FAM228B: variants seen among roughly 807,000 people sequenced by gnomAD.
The protein encoded by FAM228B is family with sequence similarity 228 member B.
A neutral mutation model predicts 42.6 loss-of-function variants in FAM228B; 38 were observed. The observed-to-expected ratio is 0.89, with a 90% confidence interval of 0.69 to 1.17. The LOEUF is 1.17. FAM228B is among the 50% of genes most tolerant of loss of function. The probability of loss-of-function intolerance (pLI) is 0.00; values close to 1 mark genes in which losing one functional copy is unlikely to be tolerated. For synonymous variants in FAM228B, 109 were observed against 122.3 expected (o/e 0.89, Z 0.72); for missense variants, 344 against 367.3 (o/e 0.94, Z 0.52).
intron 3 of FAM228B, among the ~76,000 whole-genome samples, chr2:24,111,061 G>T (rs1019367935): frequency 6.6e-6 from 1 of 151,992 alleles, no homozygotes. Context: ...GAGCTTCCTG[G>T]CTGATCTTTT....
At chr2:24,111,599 G>A (rs978704474) in intron 3 of FAM228B, among the ~76,000 whole-genome samples, 2 of 152,066 alleles carry the variant, frequency 1.3e-5, no homozygotes, top group African/African-American at 4.8e-5. Flanking sequence ...ATGCTTCCTG[G>A]CTTGTCGTGC....
Position 24,168,879 on chromosome 2 carries a change from T to C in FAM228B, c.*15-477T>C, listed in dbSNP as rs531868293. The stretch of plus-strand genomic sequence containing the variant: ...GTACATGGATATAGGTCAAACTAGC[T>C]CAGTGGATTTTGCAAAGGAAGATTG... On this transcript the variant is annotated intron_variant, in intron 10 of 10. Coordinates refer to ENST00000615575, the MANE Select transcript of FAM228B (RefSeq NM_001145710.2). 1.3e-5 allele frequency among the ~76,000 whole-genome samples: 2 copies of C among 152,264 alleles called. 1 individual carries two copies. Among genetic ancestry groups the C allele is most frequent in the South Asian group, 4.2e-4 (2 of 4,816 alleles).
chr2:24,159,058 T>C (rs902380718), intron 7 of FAM228B, among the ~76,000 whole-genome samples: 1 of 152,208 alleles, frequency 6.6e-6, no homozygotes, highest in Non-Finnish European at 1.5e-5. Context: ...CATCTTCACA[T>C]GGTCTTCTCT....
chr2:24,081,130 C>T, intron 2 of FAM228B: 1 of 654,058 alleles, frequency 1.5e-6, no homozygotes, highest in Non-Finnish European at 2.1e-6. Flanking sequence ...GCACCAAATG[C>T]CAAATCAATC....
At chr2:24,096,723 C>T (rs1320217879) in intron 3 of FAM228B, 2 of 152,110 alleles carry the variant, frequency 1.3e-5, no homozygotes, top group African/African-American at 2.4e-5. Context: ...GGATATTATC[C>T]AGGAGAACTT....
At chr2:24,094,482 C>T (rs1665455546) in intron 2 of FAM228B, among the ~76,000 whole-genome samples, 2 of 152,098 alleles carry the variant, frequency 1.3e-5, no homozygotes, top group African/African-American at 4.8e-5. Context: ...ACTCTTAAAA[C>T]AGGCTTTTTC....
intron 2 of FAM228B, among the ~76,000 whole-genome samples, chr2:24,128,060 T>C (rs944163311): frequency 1.3e-5 from 2 of 152,194 alleles, no homozygotes; most frequent in Non-Finnish European, 2.9e-5. Flanking sequence ...TCACTGATAT[T>C]CTGGTAATTT....
Position 24,084,191 on chromosome 2 carries a change from G to A in FAM228B, c.-210+3236G>A. On this transcript the variant is annotated intron_variant, in intron 2 of 10. Coordinates refer to the FAM228B transcript ENST00000613899. This position sits in a 1 kb window ranked among gnomAD's most constrained non-coding sequence, Gnocchi z 8.4. ...CGGCGCGGCTGAGCCCTGGGTACCT[G>A]CATTAAGTCCGCCCGGTTCAGGGCG... The A allele has an allele frequency of 6.2e-7, 1 of 1,611,738 alleles. No homozygotes were observed. Among genetic ancestry groups the A allele is most frequent in the Non-Finnish European group, 8.5e-7 (1 of 1,179,364 alleles).
At chr2:24,081,711 C>T (rs1394626091) in intron 2 of FAM228B, among the ~76,000 whole-genome samples, 18 of 143,830 alleles carry the variant, frequency 1.3e-4, no homozygotes, top group Admixed American at 4.9e-4. Context: ...TTTTTTGAGA[C>T]GGAGTCTCAC....
At chr2:24,087,957 G>T (rs34357414) in intron 2 of FAM228B, among the ~76,000 whole-genome samples, 2 of 151,836 alleles carry the variant, frequency 1.3e-5, no homozygotes, top group Non-Finnish European at 2.9e-5. Flanking sequence ...AGTCCAGGCT[G>T]GTCGCAAACT....
At chr2:24,102,105 C>A (rs1224756053) in intron 3 of FAM228B, among the ~76,000 whole-genome samples, 2 of 152,112 alleles carry the variant, frequency 1.3e-5, no homozygotes, top group Non-Finnish European at 2.9e-5. Context: ...ATAATAAAAA[C>A]CATATAATGA....
chr2:24,123,702 C>T (rs1248859084), intron 1 of FAM228B, among the ~76,000 whole-genome samples, 169 bp downstream of exon 1: 2 of 151,534 alleles, frequency 1.3e-5, no homozygotes, highest in Non-Finnish European at 2.9e-5. Context: ...GACCTCCCCG[C>T]CAGGCCGGGC....
intron 2 of FAM228B, among the ~76,000 whole-genome samples, chr2:24,086,747 C>T (rs1665266882): frequency 6.6e-6 from 1 of 152,156 alleles, no homozygotes; most frequent in South Asian, 2.1e-4. Flanking sequence ...ACTCAATATA[C>T]CCCATTAAGA....
chr2:24,142,134 T>A (rs1272109049), intron 5 of FAM228B, among the ~76,000 whole-genome samples: 2 of 152,220 alleles, frequency 1.3e-5, no homozygotes, highest in Non-Finnish European at 2.9e-5. Flanking sequence ...ACCCTGCTCC[T>A]GAGCTGCTAC....
chr2:24,116,982 C>G (rs1424362025), intron 3 of FAM228B, among the ~76,000 whole-genome samples: 1 of 149,994 alleles, frequency 6.7e-6, no homozygotes, highest in East Asian at 1.9e-4. Flanking sequence ...AAATGTGACT[C>G]TCTAATATAT....
At chr2:24,087,158 T>C (rs1000118848) in intron 2 of FAM228B, 2 of 152,230 alleles carry the variant, frequency 1.3e-5, no homozygotes, top group Admixed American at 6.5e-5. Flanking sequence ...CAGTGTGTAA[T>C]AAGAAATATA....
chr2:24,123,140 C>A (rs1371824209), upstream of FAM228B: 1 of 152,488 alleles, frequency 6.6e-6, no homozygotes, highest in Non-Finnish European at 1.5e-5. Flanking sequence ...CGCCCGTTTC[C>A]CGCCACTGCC....
chr2:24,090,160 C>G (rs745665068), intron 2 of FAM228B, among the ~76,000 whole-genome samples: 1 of 151,276 alleles, frequency 6.6e-6, no homozygotes, highest in Non-Finnish European at 1.5e-5. Context: ...CCCAGTTACT[C>G]GGGAGGTTGA....
intron 3 of FAM228B, among the ~76,000 whole-genome samples, chr2:24,109,362 A>G (rs1319493986): frequency 1.3e-5 from 2 of 152,304 alleles, no homozygotes; most frequent in Non-Finnish European, 2.9e-5. Context: ...AACCTAGGAC[A>G]TGCCATTCTG....
Sources: gnomAD v4.1 joint callset for allele counts (sites outside exome capture counted in the v4.1 genomes callset) on GRCh38, gnomAD v4.1.1 for gene constraint, Gnocchi (gnomAD v3.1) non-coding constraint, MANE v1.5 for transcripts, NCBI Gene and HGNC (gene_info 2026-07-23, HGNC 2026-07-21) for gene names.